Variants in ABCA13 observed in about 807,000 individuals in gnomAD.
ABCA13 encodes the protein ATP binding cassette subfamily A member 13, also known as ATP-binding cassette sub-family A member 13.
Under a neutral mutation model 478.7 loss-of-function variants are expected in ABCA13, and 476 were observed. The ratio of observed to expected loss-of-function variants is 0.99; its 90% CI spans 0.92 to 1.07. ABCA13 has a LOEUF of 1.07. Ranked by LOEUF, ABCA13 falls within the 50% of genes least tolerant of loss-of-function variation. The pLI, the probability that ABCA13 is intolerant of heterozygous loss-of-function variation, is 0.00. For missense variants in ABCA13, 6,060 were observed against 5,910.6 expected, an observed-to-expected ratio of 1.03 and a Z score of -0.83; for synonymous variants, 2,252 against 2,158.9, an observed-to-expected ratio of 1.04 and a Z score of -1.20.
chr7:48,529,521 T>C (rs1029740860), intron 55 of ABCA13, among the ~76,000 whole-genome samples: 5 of 152,204 alleles, frequency 3.3e-5, no homozygotes, highest in African/African-American at 1.2e-4. Context: ...CAGGTTGAGA[T>C]GCGACCTCCA....
intron 48 of ABCA13, among the ~76,000 whole-genome samples, chr7:48,495,687 T>C (rs1239664882): frequency 2.0e-5 from 3 of 152,184 alleles, no homozygotes; most frequent in African/African-American, 7.2e-5. Flanking sequence ...GCTTTGTTTC[T>C]TTTTTCAGTT....
intron 38 of ABCA13, among the ~76,000 whole-genome samples, chr7:48,393,745 C>A (rs1236098987): frequency 1.3e-5 from 2 of 152,168 alleles, no homozygotes; most frequent in African/African-American, 2.4e-5. Flanking sequence ...GTCACACATT[C>A]CATGTGCCGT....
Position 48,279,459 on chromosome 7 carries a change from G to A in ABCA13, c.8265G>A (p.Trp2755Ter), listed in dbSNP as rs1478133568. 1 of 1,609,662 alleles carries A rather than the reference G, an allele frequency of 6.2e-7. No individual in the cohort carries two copies. The highest frequency in any genetic ancestry group is 1.7e-5 in the Admixed American group (1 of 59,462). Reference sequence around the variant, plus strand: ...GGAAAAACTTAAAGAAAGATAATTGGAATGTTTCTAATGTGTTGATGACAT... The same window carrying A: ...GGAAAAACTTAAAGAAAGATAATTGAAATGTTTCTAATGTGTTGATGACAT... The part of the protein sequence containing the change: ...ALWKNLKKDN[W>*]NVSNVLMTFT... The change falls in exon 18 of 62, where the codon TGG (tryptophan) becomes TGA (stop). Residue 2755 changes from tryptophan (W) to a stop codon, truncating the protein, a stop_gained. Transcript: ENST00000435803. LOFTEE classifies it high-confidence loss of function.
chr7:48,221,551 G>C (rs1787365550), intron 5 of ABCA13, among the ~76,000 whole-genome samples: 1 of 152,232 alleles, frequency 6.6e-6, no homozygotes, highest in South Asian at 2.1e-4. Context: ...GCCAGCAGGT[G>C]GTGGGCGATC....
intron 44 of ABCA13, among the ~76,000 whole-genome samples, chr7:48,470,313 G>T (rs1827342658): frequency 1.3e-5 from 2 of 152,096 alleles, no homozygotes; most frequent in Admixed American, 1.3e-4. Flanking sequence ...TCTATAAAAG[G>T]GAGCTAGGAG....
intron 3 of ABCA13, among the ~76,000 whole-genome samples, chr7:48,218,019 A>G (rs547901080): frequency 6.6e-6 from 1 of 152,304 alleles, no homozygotes; most frequent in South Asian, 2.1e-4. Context: ...TCACACATAC[A>G]CACAAATTAA....
At position 48,605,284 on chromosome 7, in the gene ABCA13, G is replaced by A. The variant is rs1791354086; in HGVS notation, c.14745-10001G>A. Among the ~76,000 whole-genome samples the A allele has an allele frequency of 1.3e-5, 2 of 152,148 alleles. 1 individual carries two copies. The highest frequency in any genetic ancestry group is 4.1e-4 in the South Asian group (2 of 4,834). ...GATCCTATCATTATGATGCTAGCTGGTTATTTTGCCTGTTAGTTGATGCAG... is the reference window on the plus strand; with the variant it reads ...GATCCTATCATTATGATGCTAGCTGATTATTTTGCCTGTTAGTTGATGCAG... On this transcript the variant is annotated intron_variant, in intron 58 of 61. Coordinates refer to ENST00000435803, the MANE Select transcript of ABCA13 (RefSeq NM_152701.5).
intron 55 of ABCA13, among the ~76,000 whole-genome samples, chr7:48,550,911 T>G (rs1422094359): frequency 6.6e-6 from 1 of 151,676 alleles, no homozygotes; most frequent in African/African-American, 2.4e-5. Flanking sequence ...CTGAAAATTT[T>G]TTTTACCTTC....
In ABCA13 at chr7:48,528,251, G is replaced by T; in HGVS notation, c.14260G>T (p.Gly4754Trp). ...IPKGECFGLL[G>W]VNGAGKSTTF... ...TTCCTCTTAGTGCTTTGGACTTCTA[G>T]GGGTGAATGGAGCTGGGAAGAGCAC... Residue 4754 changes from glycine (G) to tryptophan (W), a missense_variant, in exon 55 of 62, where the codon GGG (glycine) becomes TGG (tryptophan). Physicochemically the swap from Gly to Trp is radical, Grantham distance 184 (BLOSUM62 -2). This residue lies in a region of ABCA13 where 1,627 missense variants were observed against 1,571.0 expected (regional missense o/e 1.04). Transcript: ENST00000435803. The T allele has an allele frequency of 6.3e-7, 1 of 1,575,322 alleles. No homozygotes were observed.
intron 49 of ABCA13, among the ~76,000 whole-genome samples, chr7:48,507,006 C>T (rs560691681): frequency 3.9e-5 from 6 of 152,296 alleles, no homozygotes; most frequent in South Asian, 4.1e-4. Flanking sequence ...CAAATTAAGT[C>T]GCAGAATGCA....
chr7:48,446,048 G>A (rs993039555), intron 42 of ABCA13, among the ~76,000 whole-genome samples: 2 of 152,268 alleles, frequency 1.3e-5, no homozygotes, highest in African/African-American at 4.8e-5. Context: ...AACTGATGTG[G>A]TCCCACTGAT....
intron 55 of ABCA13, among the ~76,000 whole-genome samples, chr7:48,534,656 A>G (rs1918580): frequency 0.14 from 21,244 of 152,152 alleles, 1,873 homozygotes; most frequent in African/African-American, 0.23. Context: ...TCTTAGGTTT[A>G]GATGCTTAAC....
intron 3 of ABCA13, among the ~76,000 whole-genome samples, chr7:48,213,356 A>T (rs1224502829): frequency 6.6e-6 from 1 of 152,240 alleles, no homozygotes; most frequent in Non-Finnish European, 1.5e-5. Flanking sequence ...TATAAAAGTT[A>T]TGTTTACACT....
intron 52 of ABCA13, among the ~76,000 whole-genome samples, chr7:48,517,384 T>C (rs1174572533): frequency 6.6e-6 from 1 of 152,148 alleles, no homozygotes; most frequent in Non-Finnish European, 1.5e-5. Flanking sequence ...GGAACAAATT[T>C]AATTTTGCTG....
At chr7:48,580,411 A>T (rs1788601896) in intron 56 of ABCA13, 37 bp downstream of exon 56, 2 of 1,591,512 alleles carry the variant, frequency 1.3e-6, no homozygotes, top group African/African-American at 1.3e-5. Flanking sequence ...AAAGGGACCC[A>T]TTGAGGAATG....
chr7:48,398,469 A>G lies in ABCA13; in HGVS notation c.11874-5214A>G, dbSNP rs78294684. The stretch of plus-strand genomic sequence containing the variant: ...ACTGCAAACATCTGATTTAGATCCA[A>G]CATGCTCCCTATTACTCTCCTGTAT... On this transcript the variant is annotated intron_variant, in intron 38 of 61. Transcript: ENST00000435803. Among the ~76,000 whole-genome samples the G allele has an allele frequency of 5.6e-3, 860 of 152,286 alleles. 2 individuals carry two copies. The highest frequency in any genetic ancestry group is 0.019 in the African/African-American group (790 of 41,546).
chr7:48,614,159 C>A (rs1792310996), intron 58 of ABCA13, among the ~76,000 whole-genome samples: 1 of 150,424 alleles, frequency 6.6e-6, no homozygotes, highest in African/African-American at 2.4e-5. Flanking sequence ...CTTTTCTTTT[C>A]TTCCATGCCT....
At chr7:48,541,322 G>A (rs1214963773) in intron 55 of ABCA13, among the ~76,000 whole-genome samples, 1 of 152,004 alleles carries the variant, frequency 6.6e-6, no homozygotes, top group Non-Finnish European at 1.5e-5. Context: ...CTTATTGATG[G>A]ACACCATCAA....
intron 42 of ABCA13, among the ~76,000 whole-genome samples, chr7:48,438,465 C>G (rs1823137743): frequency 6.6e-6 from 1 of 151,866 alleles, no homozygotes; most frequent in Non-Finnish European, 1.5e-5. Context: ...TTGCTGATGT[C>G]ACTCTATCCT....
Sources: allele counts gnomAD v4.1 joint callset (sites outside exome capture counted in the v4.1 genomes callset), GRCh38; gene constraint gnomAD v4.1.1; regional missense constraint gnomAD v4.1.1; transcripts MANE v1.5; gene names NCBI Gene and HGNC (gene_info 2026-07-23, HGNC 2026-07-21).